ARHGAP26: variants seen among roughly 807,000 people sequenced by gnomAD.
ARHGAP26 encodes rho GTPase-activating protein 26.
ARHGAP26 carries 38 observed loss-of-function variants against 104.8 expected under a neutral mutation model. The observed-to-expected ratio is 0.36, with a 90% confidence interval of 0.28 to 0.48. ARHGAP26 has a LOEUF of 0.48. Among genes scored for constraint, ARHGAP26 ranks in the 20% least tolerant of loss-of-function variants. The probability of loss-of-function intolerance (pLI) is 0.99; values close to 1 mark genes in which losing one functional copy is unlikely to be tolerated. For missense variants in ARHGAP26, 704 were observed against 947.9 expected (o/e 0.74, Z 3.38); for synonymous variants, 341 against 340.0 (o/e 1.00, Z -0.03).
At chr5:142,994,479 G>A (rs1776095124) in intron 11 of ARHGAP26, among the ~76,000 whole-genome samples, 1 of 152,188 alleles carries the variant, frequency 6.6e-6, no homozygotes. Context: ...GAGCAGAAGT[G>A]ATTTCAGAGC....
At chr5:143,190,317 A>G (rs1805759277) in intron 20 of ARHGAP26, among the ~76,000 whole-genome samples, 1 of 152,172 alleles carries the variant, frequency 6.6e-6, no homozygotes, top group Non-Finnish European at 1.5e-5. Flanking sequence ...TTAAAGTAAA[A>G]ATGCTTCAGT....
rs147477294 is a variant in ARHGAP26, at chr5:142,799,543, A to G, written c.154+28628A>G. Among the ~76,000 whole-genome samples the G allele has an allele frequency of 3.0e-3, 461 of 152,308 alleles. 3 individuals are homozygous for G. The highest frequency in any genetic ancestry group is 0.011 in the African/African-American group (446 of 41,566). On this transcript the variant is annotated intron_variant, in intron 1 of 22. Coordinates refer to ENST00000645722, the MANE Select transcript of ARHGAP26 (RefSeq NM_001135608.3). ...TCCTTGAGCTGTAGGAATGACATGT[A>G]CCTTAGTTCGTTTTGTGCTGCTCTA... is the stretch of plus-strand genomic sequence containing the variant.
intron 8 of ARHGAP26, among the ~76,000 whole-genome samples, chr5:142,904,137 A>G (rs1253576269): frequency 6.6e-6 from 1 of 152,022 alleles, no homozygotes; most frequent in Non-Finnish European, 1.5e-5. Context: ...TCTTCTCCTC[A>G]ACTCATTTCA....
chr5:143,061,939 C>T (rs1442268591), intron 17 of ARHGAP26, among the ~76,000 whole-genome samples: 1 of 152,184 alleles, frequency 6.6e-6, no homozygotes, highest in East Asian at 1.9e-4. Flanking sequence ...TATGTCACAT[C>T]TCATTGGTCC....
At chr5:142,918,554 T>C (rs1762807284) in intron 10 of ARHGAP26, among the ~76,000 whole-genome samples, 1 of 152,254 alleles carries the variant, frequency 6.6e-6, no homozygotes, top group Non-Finnish European at 1.5e-5. Context: ...TACTCTCATC[T>C]CTGTGTCCAC....
Position 142,795,627 on chromosome 5 carries a change from C to T in ARHGAP26, c.154+24712C>T, listed in dbSNP as rs72796653. On this transcript the variant is annotated intron_variant, in intron 1 of 22. Transcript: ENST00000645722. ...CTTGTTTTGCTTCCAGCCCCAAATT[C>T]CCTCCGTATCCACTTTTTCATTACA... Among the ~76,000 whole-genome samples, 1,143 of 152,318 alleles carry T rather than the reference C, an allele frequency of 7.5e-3. 9 individuals are homozygous for T. Among genetic ancestry groups the T allele is most frequent in the Middle Eastern group, 0.034 (10 of 294 alleles).
At chr5:142,808,077 T>C (rs1261783092) in intron 1 of ARHGAP26, among the ~76,000 whole-genome samples, 1 of 150,984 alleles carries the variant, frequency 6.6e-6, no homozygotes, top group African/African-American at 2.4e-5. Flanking sequence ...CTACTAAAAA[T>C]ACAAAAAATT....
chr5:142,947,941 G>C (rs894563859), intron 11 of ARHGAP26, among the ~76,000 whole-genome samples: 2 of 152,140 alleles, frequency 1.3e-5, no homozygotes, highest in African/African-American at 4.8e-5. Flanking sequence ...GATCACTTGA[G>C]CCCAGGAGTT....
chr5:143,208,251 G>C (rs1808902756), intron 21 of ARHGAP26, among the ~76,000 whole-genome samples: 1 of 152,210 alleles, frequency 6.6e-6, no homozygotes, highest in Non-Finnish European at 1.5e-5. Context: ...TTCCTATGCT[G>C]TGGAGCTCCT....
chr5:142,971,910 G>A (rs576510806), intron 11 of ARHGAP26, among the ~76,000 whole-genome samples: 6 of 152,266 alleles, frequency 3.9e-5, no homozygotes, highest in Admixed American at 3.3e-4. Flanking sequence ...GGCCAGGCAC[G>A]GTGGCTCACG....
At chr5:143,035,899 G>A (rs1598739534) in intron 12 of ARHGAP26, among the ~76,000 whole-genome samples, 1 of 133,676 alleles carries the variant, frequency 7.5e-6, no homozygotes, top group African/African-American at 2.9e-5. Context: ...TCATGCCACT[G>A]CACTCCAGCT....
chr5:143,092,049 A>G (rs1791508478), intron 17 of ARHGAP26, among the ~76,000 whole-genome samples: 1 of 152,112 alleles, frequency 6.6e-6, no homozygotes. Context: ...TTACTTTTAA[A>G]TTATACAATA....
intron 10 of ARHGAP26, among the ~76,000 whole-genome samples, chr5:142,920,536 G>A (rs1336087311): frequency 1.3e-5 from 2 of 152,116 alleles, no homozygotes; most frequent in Non-Finnish European, 2.9e-5. Flanking sequence ...GTCTCTTGAG[G>A]GGCAGTGTTT....
At chr5:143,001,020 T>C (rs186748964) in intron 11 of ARHGAP26, among the ~76,000 whole-genome samples, 3 of 152,116 alleles carry the variant, frequency 2.0e-5, no homozygotes, top group East Asian at 3.9e-4. Context: ...GTTCTGCACA[T>C]GTATCCCAGA....
rs545090617 is a variant in ARHGAP26 at position 142,812,631 on chromosome 5, C to T, written c.154+41716C>T. On this transcript the variant is annotated intron_variant, in intron 1 of 22. Transcript: ENST00000645722. ...GGAATTATGGGCATGAGCCACCACGCGCAGCTTCAATCCTCCCTCTTCTGC... is the reference window on the plus strand; with the variant it reads ...GGAATTATGGGCATGAGCCACCACGTGCAGCTTCAATCCTCCCTCTTCTGC... Among the ~76,000 whole-genome samples the T allele has an allele frequency of 4.6e-5, 7 of 152,218 alleles. 1 individual carries two copies. The highest frequency in any genetic ancestry group is 3.4e-3 in the Middle Eastern group (1 of 294).
chr5:143,051,513 A>AT (rs1785024559), intron 14 of ARHGAP26, among the ~76,000 whole-genome samples: 1 of 152,226 alleles, frequency 6.6e-6, no homozygotes, highest in East Asian at 1.9e-4. Context: ...TCTCTGTGGC[A>AT]TATTCAGATG....
chr5:143,014,179 T>C, intron 12 of ARHGAP26, 63 bp downstream of exon 12: 1 of 1,587,878 alleles, frequency 6.3e-7, no homozygotes, highest in Non-Finnish European at 8.6e-7. Flanking sequence ...GAGAAGTTGC[T>C]ACTCCAGGTG....
At chr5:143,108,027 A>G (rs950071509) in intron 17 of ARHGAP26, among the ~76,000 whole-genome samples, 4 of 152,258 alleles carry the variant, frequency 2.6e-5, no homozygotes, top group Admixed American at 1.3e-4. Context: ...GTACCACTAT[A>G]TATAAACACT....
intron 11 of ARHGAP26, among the ~76,000 whole-genome samples, chr5:142,991,299 A>G (rs1009855504): frequency 5.3e-5 from 8 of 152,186 alleles, no homozygotes; most frequent in Non-Finnish European, 8.8e-5. Flanking sequence ...GCCGTTTGCT[A>G]AGACCTTTGG....
Sources: allele counts gnomAD v4.1 joint callset (sites outside exome capture counted in the v4.1 genomes callset), GRCh38; gene constraint gnomAD v4.1.1; transcripts MANE v1.5; gene names NCBI Gene and HGNC (gene_info 2026-07-23, HGNC 2026-07-21).